Variants in ANKS1B observed in about 807,000 individuals in gnomAD.
ANKS1B encodes the protein ankyrin repeat and sterile alpha motif domain-containing protein 1B.
Under a neutral mutation model 148.3 loss-of-function variants are expected in ANKS1B, and 36 were observed. The observed-to-expected ratio is 0.24, with a 90% confidence interval of 0.19 to 0.32. ANKS1B has a LOEUF of 0.32. ANKS1B is among the 10% of genes least tolerant of loss of function. The pLI is 1.00. For missense variants in ANKS1B, 1,157 were observed against 1,542.6 expected, an observed-to-expected ratio of 0.75 and a Z score of 4.19; for synonymous variants, 542 against 560.8, an observed-to-expected ratio of 0.97 and a Z score of 0.47.
At chr12:99,424,890 A>G (rs141187567) in intron 11 of ANKS1B, among the ~76,000 whole-genome samples, 2,414 of 152,154 alleles carry the variant, frequency 0.016, 67 homozygotes, top group African/African-American at 0.042. Context: ...CACAGCAGCC[A>G]TACCTCAACC....
Position 98,857,391 on chromosome 12 carries a change from C to T in ANKS1B, c.2779-25255G>A, listed in dbSNP as rs544367152. Among the ~76,000 whole-genome samples the T allele has an allele frequency of 3.2e-4, 49 of 152,280 alleles. 1 individual carries two copies. The highest frequency in any genetic ancestry group is 1.2e-3 in the African/African-American group (48 of 41,550). ...CCTCGGCAGCCAGGAATTGTGGTTA[C>T]ATTGCAGGGGGCCTTGAGGCTAGAG... is the stretch of plus-strand genomic sequence containing the variant. On this transcript the variant is annotated intron_variant, in intron 17 of 26. Transcript: ENST00000683438.
chr12:99,200,318 A>C (rs1601624786), intron 14 of ANKS1B, among the ~76,000 whole-genome samples: 1 of 152,298 alleles, frequency 6.6e-6, no homozygotes, highest in East Asian at 1.9e-4. Flanking sequence ...TACCTAGCCT[A>C]AGGTTTACTG....
intron 1 of ANKS1B, among the ~76,000 whole-genome samples, chr12:99,882,530 A>G (rs1040323062): frequency 6.6e-6 from 1 of 152,238 alleles, no homozygotes; most frequent in Non-Finnish European, 1.5e-5. Flanking sequence ...ATGATGCATT[A>G]CTTACAGGGA....
intron 6 of ANKS1B, among the ~76,000 whole-genome samples, chr12:99,779,006 T>C (rs2063976287): frequency 6.6e-6 from 1 of 152,210 alleles, no homozygotes; most frequent in Non-Finnish European, 1.5e-5. Context: ...AGATAATCAC[T>C]GCTGAACAGG....
chr12:99,616,840 C>T (rs570750718), intron 9 of ANKS1B, among the ~76,000 whole-genome samples: 95 of 152,176 alleles, frequency 6.2e-4, no homozygotes, highest in African/African-American at 2.2e-3. Flanking sequence ...AAGCTATCAT[C>T]GGAGTGAACA....
chr12:98,818,217 T>G (rs976439042), intron 19 of ANKS1B, among the ~76,000 whole-genome samples: 1 of 129,800 alleles, frequency 7.7e-6, no homozygotes, highest in Non-Finnish European at 1.6e-5. Flanking sequence ...CTTTCCCTCT[T>G]TCCCTTCCTT....
intron 14 of ANKS1B, among the ~76,000 whole-genome samples, chr12:99,160,037 T>C (rs660879): frequency 0.54 from 82,586 of 151,920 alleles, 23,590 homozygotes; most frequent in Non-Finnish European, 0.63. Flanking sequence ...TTGCGAAGTG[T>C]CTGTTCATGT....
At chr12:98,959,532 T>C (rs978944237) in intron 17 of ANKS1B, among the ~76,000 whole-genome samples, 5 of 152,306 alleles carry the variant, frequency 3.3e-5, no homozygotes, top group African/African-American at 1.2e-4. Flanking sequence ...TAGAGCAAGA[T>C]GGCTGAACAA....
chr12:99,532,401 G>T (rs1185667270), intron 9 of ANKS1B, among the ~76,000 whole-genome samples: 1 of 151,998 alleles, frequency 6.6e-6, no homozygotes, highest in Non-Finnish European at 1.5e-5. Context: ...TCGCTCTGTC[G>T]CCAGGCTGGA....
intron 9 of ANKS1B, among the ~76,000 whole-genome samples, chr12:99,510,704 AG>A (rs1197773577): frequency 6.6e-6 from 1 of 152,076 alleles, no homozygotes; most frequent in African/African-American, 2.4e-5. Flanking sequence ...TTGATAAAGC[AG>A]TGGCAGGGTT....
At chr12:99,221,136 G>A (rs1358942630) in intron 14 of ANKS1B, among the ~76,000 whole-genome samples, 11 of 151,978 alleles carry the variant, frequency 7.2e-5, no homozygotes, top group African/African-American at 2.2e-4. Context: ...TCAGGAGATC[G>A]AGACCATCCT....
chr12:99,363,837 G>A (rs1369972929), intron 12 of ANKS1B, among the ~76,000 whole-genome samples: 1 of 152,104 alleles, frequency 6.6e-6, no homozygotes, highest in Non-Finnish European at 1.5e-5. Flanking sequence ...ATATCTTAGA[G>A]ACAGAAGCCA....
At chr12:99,060,792 G>T (rs1018734656) in intron 16 of ANKS1B, among the ~76,000 whole-genome samples, 2 of 151,744 alleles carry the variant, frequency 1.3e-5, no homozygotes, top group Non-Finnish European at 2.9e-5. Context: ...AATATCTTAT[G>T]AGATGACGGA....
intron 12 of ANKS1B, among the ~76,000 whole-genome samples, chr12:99,258,679 A>G (rs537140265): frequency 9.9e-5 from 15 of 151,044 alleles, no homozygotes; most frequent in African/African-American, 3.4e-4. Context: ...TTTTTTCCAA[A>G]TATTGAGAAA....
At chr12:99,528,334 A>C (rs1430017857) in intron 9 of ANKS1B, among the ~76,000 whole-genome samples, 1 of 151,932 alleles carries the variant, frequency 6.6e-6, no homozygotes, top group Admixed American at 6.6e-5. Flanking sequence ...CCTGATGAAG[A>C]TGCCAAAAAC....
chr12:99,140,305 G>A (rs1467560037), intron 15 of ANKS1B, among the ~76,000 whole-genome samples: 1 of 152,160 alleles, frequency 6.6e-6, no homozygotes, highest in African/African-American at 2.4e-5. Context: ...AGTAAATTAA[G>A]GTGACTAACT....
At chr12:99,728,046 G>A (rs2058780514) in intron 8 of ANKS1B, among the ~76,000 whole-genome samples, 1 of 152,034 alleles carries the variant, frequency 6.6e-6, no homozygotes, top group South Asian at 2.1e-4. Context: ...GAAAACTTAG[G>A]CAATACCATT....
chr12:99,802,637 G>A (rs1240212714), intron 4 of ANKS1B, among the ~76,000 whole-genome samples: 1 of 152,024 alleles, frequency 6.6e-6, no homozygotes, highest in East Asian at 1.9e-4. Flanking sequence ...TGTAGGTCAG[G>A]TGCAGTGGTT....
Position 99,864,038 on chromosome 12 carries a change from G to A in ANKS1B, c.135-38649C>T, listed in dbSNP as rs145378525. Among the ~76,000 whole-genome samples the A allele has an allele frequency of 3.7e-3, 484 of 130,480 alleles. 3 individuals carry two copies. The highest frequency in any genetic ancestry group is 0.014 in the African/African-American group (460 of 33,650). 85.6% of individuals were successfully genotyped at this position (130,480 alleles called of 152,430 possible). ...GGAGGTTGCAGTGAGCCGAGATCAC[G>A]CCAGAGCACTCCAGCCTGGCAACAG... On this transcript the variant is annotated intron_variant, in intron 1 of 26. Transcript: ENST00000683438.
Sources: allele counts gnomAD v4.1 joint callset (sites outside exome capture counted in the v4.1 genomes callset), GRCh38; gene constraint gnomAD v4.1.1; transcripts MANE v1.5; gene names NCBI Gene and HGNC (gene_info 2026-07-23, HGNC 2026-07-21).